SLC28A3: variants seen among roughly 807,000 people sequenced by gnomAD.
SLC28A3 encodes solute carrier family 28 member 3.
In SLC28A3, 68 loss-of-function variants were observed where a neutral mutation model predicts 84.2. The ratio of observed to expected loss-of-function variants is 0.81; its 90% CI spans 0.66 to 0.99. The LOEUF is 0.99. Among genes scored for constraint, SLC28A3 ranks in the 50% least tolerant of loss-of-function variants. The pLI is 0.00. For synonymous variants in SLC28A3, 267 were observed against 303.6 expected, an observed-to-expected ratio of 0.88 and a Z score of 1.25; for missense variants, 712 against 841.5, an observed-to-expected ratio of 0.85 and a Z score of 1.90.
chr9:84,278,230 AG>A lies in SLC28A3; in HGVS notation c.2063del (p.Ser688LeufsTer19). 6.2e-7 allele frequency: 1 copy of A among 1,613,456 alleles called. No homozygotes were observed. Among genetic ancestry groups the A allele is most frequent in the Middle Eastern group, 1.7e-4 (1 of 6,060 alleles). ...NPSTFNCNGI[S>X]NTF is the part of the protein sequence containing the mutation. ...GAAGTGGCTGACCTCAAAATGTATT[AG>A]AGATCCCATTGCAGTTAAAGGTCGA... On this transcript the variant is annotated frameshift_variant, in exon 18 of 18. Coordinates refer to ENST00000376238, the MANE Select transcript of SLC28A3 (RefSeq NM_001199633.2). LOFTEE classifies it high-confidence loss of function.
intron 5 of SLC28A3, among the ~76,000 whole-genome samples, chr9:84,300,990 G>A (rs976992044): frequency 5.3e-5 from 8 of 152,060 alleles, no homozygotes; most frequent in African/African-American, 1.9e-4. Context: ...CATGATGCCT[G>A]TATCAAAATA....
chr9:84,312,311 A>C (rs1219642007), intron 2 of SLC28A3, among the ~76,000 whole-genome samples: 1 of 152,184 alleles, frequency 6.6e-6, no homozygotes, highest in Non-Finnish European at 1.5e-5. Context: ...TGTACTATGC[A>C]TGGTATGATT....
At chr9:84,280,453 C>T (rs1348596126) in intron 15 of SLC28A3, among the ~76,000 whole-genome samples, 1 of 152,200 alleles carries the variant, frequency 6.6e-6, no homozygotes, top group Admixed American at 6.5e-5. Flanking sequence ...CCGTGGCAGA[C>T]ACCACTAAGA....
chr9:84,316,418 A>C (rs1272779821), intron 1 of SLC28A3, among the ~76,000 whole-genome samples: 1 of 152,242 alleles, frequency 6.6e-6, no homozygotes, highest in Non-Finnish European at 1.5e-5. Context: ...ATGTTCCGCC[A>C]GGGATGGCTG....
the SLC28A3 span, among the ~76,000 whole-genome samples, chr9:84,352,900 A>T: frequency 6.6e-6 from 1 of 151,234 alleles, no homozygotes; most frequent in Non-Finnish European, 1.5e-5. Flanking sequence ...CTCAAAAAAA[A>T]AAAAAAAAAA....
intron 4 of SLC28A3, 130 bp from the exon 5 acceptor site, chr9:84,302,519 C>G: frequency 2.5e-6 from 2 of 805,698 alleles, no homozygotes; most frequent in East Asian, 5.4e-5. Flanking sequence ...CAGGAGTGCT[C>G]TTGATATGGC....
At chr9:84,293,784 C>A (rs773324320) in intron 9 of SLC28A3, among the ~76,000 whole-genome samples, 2 of 152,130 alleles carry the variant, frequency 1.3e-5, no homozygotes, top group Non-Finnish European at 2.9e-5. Flanking sequence ...CCTCCAAAAC[C>A]AGAAGTGTCT....
chr9:84,345,742 A>G (rs997681369), upstream of SLC28A3, among the ~76,000 whole-genome samples: 2 of 152,162 alleles, frequency 1.3e-5, no homozygotes, highest in Admixed American at 6.5e-5. Context: ...TGATACTAAA[A>G]TGCCAAAACA....
At chr9:84,328,299 T>C (rs113713520) in intron 1 of SLC28A3, among the ~76,000 whole-genome samples, 1 of 149,454 alleles carries the variant, frequency 6.7e-6, no homozygotes, top group Non-Finnish European at 1.5e-5. Flanking sequence ...GAACGGATTT[T>C]AAAAACCCAT....
At chr9:84,365,487 A>G in the SLC28A3 span, among the ~76,000 whole-genome samples, 1 of 152,134 alleles carries the variant, frequency 6.6e-6, no homozygotes, top group South Asian at 2.1e-4. Context: ...TGCTGTGCAG[A>G]AGTTTTTTTT....
upstream of SLC28A3, among the ~76,000 whole-genome samples, chr9:84,344,008 C>T (rs182893916): frequency 6.6e-6 from 1 of 152,074 alleles, no homozygotes; most frequent in African/African-American, 2.4e-5. Context: ...GGAAGACTTA[C>T]TGGCCATGGG....
chr9:84,310,853 A>G (rs1252107087), intron 2 of SLC28A3, among the ~76,000 whole-genome samples: 6 of 152,132 alleles, frequency 3.9e-5, no homozygotes, highest in Admixed American at 3.9e-4. Flanking sequence ...CCAATAGTCA[A>G]TGTTTGGTAA....
chr9:84,292,538 A>G (rs1345313151), intron 10 of SLC28A3, 130 bp downstream of exon 10: 1 of 633,166 alleles, frequency 1.6e-6, no homozygotes, highest in East Asian at 3.1e-5. Context: ...CATTGCCAAT[A>G]CTGGGGGTTT....
intron 4 of SLC28A3, among the ~76,000 whole-genome samples, chr9:84,304,672 A>C (rs2118334854): frequency 6.6e-6 from 1 of 152,284 alleles, no homozygotes; most frequent in Non-Finnish European, 1.5e-5. Context: ...ACACCTCCTC[A>C]AATCCACCTG....
At chr9:84,291,054 T>C (rs1825200408) in intron 10 of SLC28A3, among the ~76,000 whole-genome samples, 3 of 152,202 alleles carry the variant, frequency 2.0e-5, no homozygotes, top group Admixed American at 6.5e-5. Flanking sequence ...ATATTAAGTA[T>C]CAAATTGAAC....
chr9:84,348,970 C>T, the SLC28A3 span, among the ~76,000 whole-genome samples: 416 of 149,890 alleles, frequency 2.8e-3, 3 homozygotes, highest in African/African-American at 9.5e-3. Flanking sequence ...TACAGTGGGG[C>T]GATCTCGGCT....
chr9:84,300,074 G>A (rs939119590), intron 5 of SLC28A3, among the ~76,000 whole-genome samples: 1 of 152,086 alleles, frequency 6.6e-6, no homozygotes, highest in African/African-American at 2.4e-5. Context: ...TTACAGGTGC[G>A]AGCCACCACT....
At chr9:84,310,950 C>T (rs1487729199) in intron 2 of SLC28A3, among the ~76,000 whole-genome samples, 1 of 152,204 alleles carries the variant, frequency 6.6e-6, no homozygotes, top group Non-Finnish European at 1.5e-5. Context: ...TCTAACATTA[C>T]TATTGTTGGC....
chr9:84,297,256 C>T lies in SLC28A3; in HGVS notation c.826G>A (p.Gly276Ser). ...AAGAAGTGGTCTTTGTATTTCTCAC[C>T]AAAGACAAATGAAGCACCAGCATCT... ...YTDAGASFVF[G>S]EKYKDHFFAF... is the part of the protein sequence containing the mutation. Residue 276 changes from glycine to serine, a missense_variant, in exon 8 of 18, where the codon GGT (glycine) becomes AGT (serine). By Grantham distance (56) the Gly-to-Ser change is moderately conservative. Coordinates refer to ENST00000376238, the MANE Select transcript of SLC28A3 (RefSeq NM_001199633.2). 6.2e-7 allele frequency: 1 copy of T among 1,613,482 alleles called. No homozygotes were observed. Among genetic ancestry groups the T allele is most frequent in the Non-Finnish European group, 8.5e-7 (1 of 1,179,862 alleles).
Sources: allele counts gnomAD v4.1 joint callset (sites outside exome capture counted in the v4.1 genomes callset), GRCh38; gene constraint gnomAD v4.1.1; transcripts MANE v1.5; gene names NCBI Gene and HGNC (gene_info 2026-07-23, HGNC 2026-07-21).